TRPC7: variants seen among roughly 807,000 people sequenced by gnomAD.
TRPC7 encodes the protein short transient receptor potential channel 7.
A neutral mutation model predicts 90.1 loss-of-function variants in TRPC7; 42 were observed. The observed-to-expected ratio is 0.47, with a 90% CI of 0.36 to 0.60. TRPC7 has a LOEUF of 0.60. TRPC7 is among the 20% of genes least tolerant of loss of function. The pLI is 0.00. For synonymous variants in TRPC7, 451 were observed against 436.3 expected, an observed-to-expected ratio of 1.03 and a Z score of -0.42; for missense variants, 955 against 1,112.3, an observed-to-expected ratio of 0.86 and a Z score of 2.01.
chr5:136,307,635 A>G lies in TRPC7; in HGVS notation c.963+7962T>C, dbSNP rs558848035. ...TCCCCCTCCCCCTTCCTCCAAGGAC[A>G]TTAGAGACAGTGTCTGGAGACGTTT... On this transcript the variant is annotated intron_variant, in intron 3 of 11. Transcript: ENST00000513104. Among the ~76,000 whole-genome samples, 5 of 152,330 alleles carry G rather than the reference A, an allele frequency of 3.3e-5. No homozygotes were observed. The East Asian group carries it at 9.6e-4, about 29-fold the overall frequency.
chr5:136,307,148 T>G (rs551567992), intron 3 of TRPC7, among the ~76,000 whole-genome samples: 2 of 152,384 alleles, frequency 1.3e-5, no homozygotes, highest in African/African-American at 4.8e-5. Context: ...TGGTGAGACA[T>G]GAAAATTTAC....
At chr5:136,352,797 A>T (rs1760240631) in intron 2 of TRPC7, among the ~76,000 whole-genome samples, 1 of 152,206 alleles carries the variant, frequency 6.6e-6, no homozygotes, top group East Asian at 1.9e-4. Context: ...ATACACATAC[A>T]GTGAAGCAAA....
At chr5:136,302,360 T>C (rs1342887579) in intron 3 of TRPC7, among the ~76,000 whole-genome samples, 1 of 152,166 alleles carries the variant, frequency 6.6e-6, no homozygotes, top group East Asian at 1.9e-4. Context: ...CCCGCTTTTC[T>C]GGGGGAGGGG....
intron 2 of TRPC7, among the ~76,000 whole-genome samples, chr5:136,335,234 A>G (rs1759616589): frequency 6.6e-6 from 1 of 152,092 alleles, no homozygotes; most frequent in Non-Finnish European, 1.5e-5. Flanking sequence ...TAACGAGCTG[A>G]TTTGAACTCC....
intron 7 of TRPC7, among the ~76,000 whole-genome samples, chr5:136,238,380 G>C (rs78562303): frequency 6.6e-6 from 1 of 152,142 alleles, no homozygotes; most frequent in Non-Finnish European, 1.5e-5. Context: ...GCTTGTAGCT[G>C]GGGGGAGGGG....
rs1757651202 is a variant in TRPC7 at position 136,284,587 on chromosome 5, T to C, written c.964-9750A>G. Among the ~76,000 whole-genome samples the C allele has an allele frequency of 2.6e-5, 4 of 152,326 alleles. No homozygotes were observed. In the South Asian group the frequency reaches 8.3e-4, roughly 32 times the overall value. ...CAGAAGTTGATAATAATGTCTTGGCTCTCATTGCCCTCAATGCCTGTCAGA... is the reference window on the plus strand; with the variant it reads ...CAGAAGTTGATAATAATGTCTTGGCCCTCATTGCCCTCAATGCCTGTCAGA... On this transcript the variant is annotated intron_variant, in intron 3 of 11. Coordinates refer to ENST00000513104, the MANE Select transcript of TRPC7 (RefSeq NM_020389.3).
chr5:136,343,457 T>G (rs2149853709), intron 2 of TRPC7, among the ~76,000 whole-genome samples: 1 of 152,188 alleles, frequency 6.6e-6, no homozygotes, highest in South Asian at 2.1e-4. Flanking sequence ...TCCAAAAGGG[T>G]CCTTCCCTAT....
At chr5:136,250,920 A>G (rs1051586451) in intron 6 of TRPC7, among the ~76,000 whole-genome samples, 2 of 152,210 alleles carry the variant, frequency 1.3e-5, no homozygotes, top group Non-Finnish European at 2.9e-5. Context: ...ATACAAGGCA[A>G]TCCTGTATTT....
intron 3 of TRPC7, among the ~76,000 whole-genome samples, chr5:136,307,893 AT>A (rs1460952671): frequency 6.6e-6 from 1 of 152,226 alleles, no homozygotes; most frequent in African/African-American, 2.4e-5. Context: ...TTCTAGGTAC[AT>A]TGCATGTGTT....
chr5:136,257,374 G>A (rs954604648), intron 5 of TRPC7, among the ~76,000 whole-genome samples: 7 of 151,908 alleles, frequency 4.6e-5, no homozygotes, highest in Non-Finnish European at 7.4e-5. Flanking sequence ...GTAGAGACGA[G>A]GTTTCACCAT....
intron 2 of TRPC7, among the ~76,000 whole-genome samples, chr5:136,337,096 A>G (rs1037342773): frequency 1.3e-5 from 2 of 152,154 alleles, no homozygotes; most frequent in Non-Finnish European, 2.9e-5. Context: ...TCTGTGACAA[A>G]GGCCATGTCC....
rs781522454 is a variant in TRPC7, at chr5:136,247,884, C to T, written c.1580-149G>A. 6.7e-5 allele frequency: 65 copies of T among 965,720 alleles called. No homozygotes were observed. The highest frequency in any genetic ancestry group is 9.1e-5 in the Non-Finnish European group (61 of 666,808). 59.8% of individuals were successfully genotyped at this position (965,720 alleles called of 1,614,324 possible). On this transcript the variant is annotated intron_variant, in intron 6 of 11. Transcript: ENST00000513104. This position sits in a 1 kb window ranked among gnomAD's most constrained non-coding sequence, Gnocchi z 4.2. ...AATCCCAATATCCAGAAGTTGCCACCCTCCCTCTTGGAATGTGCTGGACCA... is the reference window on the plus strand; with the variant it reads ...AATCCCAATATCCAGAAGTTGCCACTCTCCCTCTTGGAATGTGCTGGACCA...
intron 11 of TRPC7, 146 bp downstream of exon 11, chr5:136,216,054 C>A (rs1347171289): frequency 1.5e-6 from 1 of 679,982 alleles, no homozygotes; most frequent in Non-Finnish European, 2.6e-6. Context: ...ACTCTGCCGA[C>A]AACTGAATGA....
At chr5:136,215,889 G>T (rs1406823414) in intron 11 of TRPC7, among the ~76,000 whole-genome samples, 1 of 151,738 alleles carries the variant, frequency 6.6e-6, no homozygotes, top group African/African-American at 2.4e-5. Context: ...GACAATGGAA[G>T]ATGAGGCAGG....
At chr5:136,248,712 A>G (rs1237441924) in intron 6 of TRPC7, among the ~76,000 whole-genome samples, 1 of 152,212 alleles carries the variant, frequency 6.6e-6, no homozygotes, top group Admixed American at 6.5e-5. Flanking sequence ...CTGTGACCAC[A>G]AGGGCCTGAG....
intron 2 of TRPC7, among the ~76,000 whole-genome samples, chr5:136,324,809 G>A (rs755056237): frequency 6.6e-6 from 1 of 152,210 alleles, no homozygotes; most frequent in Non-Finnish European, 1.5e-5. Context: ...AAAGTTAAAT[G>A]AATTTCTCAG....
At chr5:136,242,818 G>A (rs1259550369) in intron 7 of TRPC7, among the ~76,000 whole-genome samples, 1 of 152,116 alleles carries the variant, frequency 6.6e-6, no homozygotes, top group Admixed American at 6.5e-5. Flanking sequence ...GAAGAGCCTG[G>A]GAAGTCCCAC....
intron 5 of TRPC7, among the ~76,000 whole-genome samples, chr5:136,255,608 G>A (rs929963200): frequency 6.6e-6 from 1 of 152,166 alleles, no homozygotes; most frequent in African/African-American, 2.4e-5. Flanking sequence ...TGGGATACTT[G>A]TTTTGTTGTA....
At chr5:136,231,654 G>C in intron 7 of TRPC7, 105 bp from the exon 8 acceptor site, 1 of 1,065,550 alleles carries the variant, frequency 9.4e-7, no homozygotes, top group Non-Finnish European at 1.3e-6. Context: ...GCCTAGGCTG[G>C]AGTGCAGTGG....
Sources: allele counts gnomAD v4.1 joint callset (sites outside exome capture counted in the v4.1 genomes callset), GRCh38; gene constraint gnomAD v4.1.1; non-coding constraint Gnocchi (gnomAD v3.1); transcripts MANE v1.5; gene names NCBI Gene and HGNC (gene_info 2026-07-23, HGNC 2026-07-21).